The following RREB1 variants were observed in gnomAD, a reference collection of about 807,000 sequenced individuals.
RREB1 encodes ras responsive element binding protein 1.
In RREB1, 27 loss-of-function variants were observed where a neutral mutation model predicts 117.8. The ratio of observed to expected loss-of-function variants is 0.23; its 90% CI spans 0.17 to 0.32. The LOEUF is 0.32. Ranked by LOEUF, RREB1 falls within the 10% of genes least tolerant of loss-of-function variation. The pLI is 1.00. For synonymous variants in RREB1, 1,298 were observed against 1,026.7 expected (o/e 1.26, Z -5.05); for missense variants, 2,577 against 2,378.2 (o/e 1.08, Z -1.74).
intron 1 of RREB1, among the ~76,000 whole-genome samples, chr6:7,121,555 A>G (rs920794741): frequency 6.6e-6 from 1 of 152,130 alleles, no homozygotes; most frequent in African/African-American, 2.4e-5. Context: ...TCATTCAGTC[A>G]GCAACACTTG....
chr6:7,145,585 T>C (rs1460852220), intron 1 of RREB1, among the ~76,000 whole-genome samples: 1 of 152,088 alleles, frequency 6.6e-6, no homozygotes, highest in African/African-American at 2.4e-5. Context: ...TTTGTTCAAG[T>C]GCGTGAAAAC....
At chr6:7,157,433 CAA>C (rs57996771) in intron 1 of RREB1, among the ~76,000 whole-genome samples, 2 of 137,522 alleles carry the variant, frequency 1.5e-5, no homozygotes, top group Non-Finnish European at 1.6e-5. Flanking sequence ...GACTCCATCT[CAA>C]AAAAAAAAAA....
At chr6:7,193,610 T>C (rs1182242962) in intron 6 of RREB1, among the ~76,000 whole-genome samples, 1 of 152,226 alleles carries the variant, frequency 6.6e-6, no homozygotes, top group Non-Finnish European at 1.5e-5. Flanking sequence ...TTTTTTGTTT[T>C]GTTTTGTTTT....
At chr6:7,137,148 T>C (rs568962167) in intron 1 of RREB1, among the ~76,000 whole-genome samples, 2 of 152,354 alleles carry the variant, frequency 1.3e-5, no homozygotes, top group East Asian at 1.9e-4. Flanking sequence ...ATCCAGCTGC[T>C]GTCAGGAGTT....
intron 12 of RREB1, 32 bp from the exon 13 acceptor site, chr6:7,248,479 G>A (rs773070972): frequency 6.3e-7 from 1 of 1,598,352 alleles, no homozygotes; most frequent in South Asian, 1.1e-5. Flanking sequence ...GTGCCTTTTG[G>A]TTAATGGAAA....
rs1472219470 is a variant in RREB1 at position 7,251,150 on chromosome 6, T to G, written c.*2182T>G. ...AGTAATCAGCTCCCAGCGACGTGTG[T>G]AGCTGGGGCTGCCGCTCGCAATAAT... On this transcript the variant is annotated 3_prime_UTR_variant, in exon 13 of 13. Coordinates refer to ENST00000379938, the MANE Select transcript of RREB1 (RefSeq NM_001003699.4). 1 of 152,180 alleles carries G rather than the reference T, an allele frequency of 6.6e-6. No homozygotes were observed. The highest frequency in any genetic ancestry group is 1.5e-5 in the Non-Finnish European group (1 of 68,034). The allele number at this position is 152,180 out of a possible 1,614,324, so 9.4% of individuals were successfully genotyped here. A position where few individuals can be genotyped will look rare whatever the true frequency, so the allele number is the denominator to read the frequency against.
At chr6:7,155,471 C>T (rs1212094975) in intron 1 of RREB1, among the ~76,000 whole-genome samples, 2 of 152,204 alleles carry the variant, frequency 1.3e-5, no homozygotes, top group Non-Finnish European at 2.9e-5. Flanking sequence ...CCACCACACC[C>T]AGCTAATTTT....
chr6:7,117,442 C>CTTTT (rs1761462613), intron 1 of RREB1, among the ~76,000 whole-genome samples: 1 of 92,266 alleles, frequency 1.1e-5, no homozygotes, highest in African/African-American at 4.5e-5. Flanking sequence ...AAGTGTTTTA[C>CTTTT]TCTTGTCACC....
At chr6:7,141,660 A>G (rs1762598586) in intron 1 of RREB1, among the ~76,000 whole-genome samples, 1 of 152,222 alleles carries the variant, frequency 6.6e-6, no homozygotes, top group Non-Finnish European at 1.5e-5. Flanking sequence ...GTATTTCATG[A>G]TGGGTAGCTC....
At chr6:7,139,767 G>T (rs1230558173) in intron 1 of RREB1, among the ~76,000 whole-genome samples, 1 of 152,038 alleles carries the variant, frequency 6.6e-6, no homozygotes, top group Admixed American at 6.5e-5. Context: ...TCTTTTAATT[G>T]GTGATATATA....
At chr6:7,151,265 G>C (rs1763110442) in intron 1 of RREB1, among the ~76,000 whole-genome samples, 1 of 152,166 alleles carries the variant, frequency 6.6e-6, no homozygotes, top group Non-Finnish European at 1.5e-5. Context: ...TAAGGGGGGA[G>C]CTGAGGCCCA....
chr6:7,146,765 CT>C (rs752906899), intron 1 of RREB1, among the ~76,000 whole-genome samples: 529 of 128,828 alleles, frequency 4.1e-3, no homozygotes, highest in Admixed American at 3.9e-3. Context: ...TTTCTTCTTT[CT>C]TTTTTTTTTT....
chr6:7,184,931 G>A (rs963438458), intron 4 of RREB1: 4 of 151,764 alleles, frequency 2.6e-5, no homozygotes, highest in East Asian at 1.9e-4. Flanking sequence ...ACAATACCCC[G>A]GAGGTGGAAC....
At chr6:7,136,871 T>TA (rs1762367690) in intron 1 of RREB1, among the ~76,000 whole-genome samples, 1 of 152,212 alleles carries the variant, frequency 6.6e-6, no homozygotes, top group Non-Finnish European at 1.5e-5. Flanking sequence ...AGAATTTTAT[T>TA]AAAAAGGTAT....
rs1176448018 is a variant in RREB1, at chr6:7,229,280, A to T, written c.1181A>T (p.Gln394Leu). Residue 394 changes from glutamine (Q) to leucine (L), a missense_variant, in exon 10 of 13, where the codon CAG becomes CTG. By Grantham distance (113) the Gln-to-Leu change is moderately radical. Coordinates refer to ENST00000379938, the MANE Select transcript of RREB1 (RefSeq NM_001003699.4). This position sits in a 1 kb window ranked among gnomAD's most constrained non-coding sequence, Gnocchi z 4.5. ...GATGACAACCAGGCAATTCAGCTCC[A>T]GACACTCAAGTGTCAGCTACCTCAG... ...LPDDNQAIQLQTLKCQLPQDP... is the reference protein window; with the variant it reads ...LPDDNQAIQLLTLKCQLPQDP... 6.2e-7 allele frequency: 1 copy of T among 1,613,978 alleles called. No individual in the cohort carries two copies. The highest frequency in any genetic ancestry group is 8.5e-7 in the Non-Finnish European group (1 of 1,180,014).
At position 7,230,668 on chromosome 6, in the gene RREB1, A is replaced by G. The variant is rs930732115; in HGVS notation, c.2569A>G (p.Lys857Glu). Residue 857 changes from lysine (K) to glutamate (E), a missense_variant, in exon 10 of 13, where the codon AAG (lysine) becomes GAG (glutamate). Transcript: ENST00000379938. ...DSGCAALGDCKPLTAFLEPQN... is the reference protein window; with the variant it reads ...DSGCAALGDCEPLTAFLEPQN... ...TGGCTGCGCTGCCCTTGGTGACTGC[A>G]AGCCCCTCACTGCCTTCCTGGAACC... 1 of 1,596,304 alleles carries G rather than the reference A, an allele frequency of 6.3e-7. No homozygotes were observed. Among genetic ancestry groups the G allele is most frequent in the Non-Finnish European group, 8.5e-7 (1 of 1,170,942 alleles).
intron 1 of RREB1, among the ~76,000 whole-genome samples, chr6:7,158,281 C>G (rs1445969938): frequency 6.6e-6 from 1 of 152,126 alleles, no homozygotes; most frequent in African/African-American, 2.4e-5. Flanking sequence ...GAAAGTTGTT[C>G]AGGTTTAACT....
Position 7,229,835 on chromosome 6 carries a change from T to TGAG in RREB1, c.1737_1738insAGG (p.Leu579_Gln580insArg), listed in dbSNP as rs1462687416. On this transcript the variant is annotated inframe_insertion, in exon 10 of 13. Coordinates refer to ENST00000379938, the MANE Select transcript of RREB1 (RefSeq NM_001003699.4). This position sits in a 1 kb window ranked among gnomAD's most constrained non-coding sequence, Gnocchi z 4.5. Reference sequence around the variant, plus strand: ...CCCCACGCGGCCACGCGGCTCTCCCTGCAGCAGCCGCGGGCGGAGCTGCCG... The same window carrying TGAG: ...CCCCACGCGGCCACGCGGCTCTCCCTGAGGCAGCAGCCGCGGGCGGAGCTGCCG... 1 of 1,610,312 alleles carries TGAG rather than the reference T, an allele frequency of 6.2e-7. No homozygotes were observed. Among genetic ancestry groups the TGAG allele is most frequent in the African/African-American group, 1.3e-5 (1 of 74,850 alleles).
chr6:7,126,981 T>C (rs1761965218), intron 1 of RREB1, among the ~76,000 whole-genome samples: 1 of 152,100 alleles, frequency 6.6e-6, no homozygotes, highest in Non-Finnish European at 1.5e-5. Flanking sequence ...GGGCTTGTCA[T>C]GTGGAGGAGG....
Sources: allele counts gnomAD v4.1 joint callset (sites outside exome capture counted in the v4.1 genomes callset), GRCh38; gene constraint gnomAD v4.1.1; non-coding constraint Gnocchi (gnomAD v3.1); transcripts MANE v1.5; gene names NCBI Gene and HGNC (gene_info 2026-07-23, HGNC 2026-07-21).